Variants in HS1BP3 observed in about 807,000 individuals in gnomAD.
HS1BP3 encodes HCLS1-binding protein 3.
In HS1BP3, 32 loss-of-function variants were observed where a neutral mutation model predicts 33.5. The observed-to-expected ratio is 0.95, with a 90% confidence interval of 0.72 to 1.28. The LOEUF (loss-of-function observed/expected upper bound fraction) is 1.28. Among genes scored for constraint, HS1BP3 ranks in the 50% most tolerant of loss-of-function variants. The pLI is 0.00. For missense variants in HS1BP3, 486 were observed against 502.3 expected, an observed-to-expected ratio of 0.97 and a Z score of 0.31; for synonymous variants, 187 against 209.2, an observed-to-expected ratio of 0.89 and a Z score of 0.92.
rs142455853 is a variant in HS1BP3, at chr2:20,626,032, C to T, written c.624-1140G>A. On this transcript the variant is annotated intron_variant, in intron 4 of 6. Coordinates refer to ENST00000304031, the MANE Select transcript of HS1BP3 (RefSeq NM_022460.4). The stretch of plus-strand genomic sequence containing the variant: ...AAATTCCGTGTGCCTGTCCGCCTGG[C>T]GGGCAGTTCCACTGGACTGAGGTCA... Among the ~76,000 whole-genome samples, 18 of 152,306 alleles carry T rather than the reference C, an allele frequency of 1.2e-4. No homozygotes were observed. In the East Asian group the frequency reaches 1.4e-3, roughly 11 times the overall value.
chr2:20,601,800 A>C (rs1694077566), intron 2 of HS1BP3, among the ~76,000 whole-genome samples: 1 of 52,460 alleles, frequency 1.9e-5, no homozygotes, highest in Non-Finnish European at 4.0e-5. Context: ...TTTTTTTGAG[A>C]CGGAGTCTTG....
intron 2 of HS1BP3, among the ~76,000 whole-genome samples, chr2:20,642,140 T>TC (rs762056003): frequency 6.6e-6 from 1 of 152,108 alleles, no homozygotes; most frequent in Non-Finnish European, 1.5e-5. Context: ...TGGGCCTGTC[T>TC]CCCCCGACTG....
intron 6 of HS1BP3, chr2:20,623,667 A>G (rs1694674527): frequency 2.2e-6 from 1 of 448,832 alleles, no homozygotes; most frequent in Non-Finnish European, 3.9e-6. Flanking sequence ...TTGTGCACAC[A>G]AAGTTCTCTC....
chr2:20,563,556 C>T (rs1216929968), intron 5 of HS1BP3, among the ~76,000 whole-genome samples: 3 of 152,132 alleles, frequency 2.0e-5, no homozygotes, highest in African/African-American at 4.8e-5. Flanking sequence ...GGGGGTGGTC[C>T]ACCATGGTGG....
At chr2:20,607,955 C>T (rs939990385) in intron 2 of HS1BP3, among the ~76,000 whole-genome samples, 7 of 152,078 alleles carry the variant, frequency 4.6e-5, no homozygotes, top group African/African-American at 1.7e-4. Flanking sequence ...TTTCAATGTT[C>T]AAGTCTTCCC....
intron 2 of HS1BP3, among the ~76,000 whole-genome samples, chr2:20,599,227 T>A (rs1694015258): frequency 6.6e-6 from 1 of 152,220 alleles, no homozygotes. Flanking sequence ...GGAGGAGCTG[T>A]CCTGGCCCCA....
At chr2:20,609,881 C>G (rs1694281789) in intron 2 of HS1BP3, among the ~76,000 whole-genome samples, 1 of 152,156 alleles carries the variant, frequency 6.6e-6, no homozygotes, top group Non-Finnish European at 1.5e-5. Context: ...GGAAACCCCT[C>G]CCACCATCAG....
intron 3 of HS1BP3, among the ~76,000 whole-genome samples, chr2:20,639,730 C>T (rs1695280801): frequency 6.6e-6 from 1 of 152,248 alleles, no homozygotes. Flanking sequence ...GTACATCCAT[C>T]TTGCAGATGA....
intron 5 of HS1BP3, chr2:20,586,653 T>G (rs1693691876): frequency 1.3e-5 from 2 of 152,154 alleles, no homozygotes; most frequent in South Asian, 4.1e-4. Flanking sequence ...AAAGCTTTGG[T>G]ACATTCAAAG....
chr2:20,567,598 A>AG (rs1693166552), intron 5 of HS1BP3, among the ~76,000 whole-genome samples: 1 of 152,006 alleles, frequency 6.6e-6, no homozygotes, highest in Non-Finnish European at 1.5e-5. Context: ...CTTCCCCCCC[A>AG]GACACAGCCC....
intron 5 of HS1BP3, among the ~76,000 whole-genome samples, chr2:20,570,908 G>A (rs113908444): frequency 6.6e-6 from 1 of 152,182 alleles, no homozygotes; most frequent in African/African-American, 2.4e-5. Flanking sequence ...CCTGGGCAGG[G>A]TCATGGAAGG....
intron 2 of HS1BP3, among the ~76,000 whole-genome samples, chr2:20,642,010 C>T (rs563442745): frequency 3.1e-4 from 47 of 152,364 alleles, no homozygotes; most frequent in African/African-American, 1.1e-3. Context: ...CTGCTGTATA[C>T]ACACACCATC....
downstream of HS1BP3, among the ~76,000 whole-genome samples, chr2:20,616,453 G>A (rs765743304): frequency 6.6e-5 from 10 of 152,204 alleles, no homozygotes; most frequent in Admixed American, 3.3e-4. Flanking sequence ...TGACAGAGGC[G>A]CAGGGCCATC....
intron 4 of HS1BP3, among the ~76,000 whole-genome samples, chr2:20,633,575 T>C (rs1412025557): frequency 6.6e-6 from 1 of 152,170 alleles, no homozygotes; most frequent in Admixed American, 6.5e-5. Context: ...CAGGCTGGAG[T>C]GCAGTGGCAC....
intron 4 of HS1BP3, among the ~76,000 whole-genome samples, chr2:20,633,608 C>T (rs879632084): frequency 3.9e-5 from 6 of 152,140 alleles, no homozygotes; most frequent in Non-Finnish European, 8.8e-5. Context: ...CTGCAACCTC[C>T]GCCTCCCAGG....
At chr2:20,560,040 C>T (rs1692952088), downstream of HS1BP3, among the ~76,000 whole-genome samples, 1 of 152,146 alleles carries the variant, frequency 6.6e-6, no homozygotes, top group Non-Finnish European at 1.5e-5. Flanking sequence ...CTGGGGAAGC[C>T]ACCATACCTG....
chr2:20,626,434 C>T (rs1182511416), intron 4 of HS1BP3, among the ~76,000 whole-genome samples: 1 of 152,222 alleles, frequency 6.6e-6, no homozygotes, highest in Non-Finnish European at 1.5e-5. Flanking sequence ...TGAGTGTCTG[C>T]CCAAGGCCAC....
Position 20,631,758 on chromosome 2 carries a change from C to T in HS1BP3, c.623+6678G>A, listed in dbSNP as rs559378196. 8.5e-5 allele frequency among the ~76,000 whole-genome samples: 13 copies of T among 152,144 alleles called. No individual in the cohort carries two copies. The South Asian group carries it at 2.7e-3, about 32-fold the overall frequency. On this transcript the variant is annotated intron_variant, in intron 4 of 6. Transcript: ENST00000304031. The stretch of plus-strand genomic sequence containing the variant: ...CTCCACAATGGGGCCAGAGACTGCC[C>T]CTCACCCATCCTGGCTCCTGCACCA...
intron 4 of HS1BP3, among the ~76,000 whole-genome samples, chr2:20,627,293 C>T (rs1232312649): frequency 6.6e-6 from 1 of 152,202 alleles, no homozygotes; most frequent in African/African-American, 2.4e-5. Flanking sequence ...ACTGTCTGCT[C>T]AGAAACAAGC....
Sources: gnomAD v4.1 joint callset for allele counts (sites outside exome capture counted in the v4.1 genomes callset) on GRCh38, gnomAD v4.1.1 for gene constraint, MANE v1.5 for transcripts, NCBI Gene and HGNC (gene_info 2026-07-23, HGNC 2026-07-21) for gene names.